TAS2R1: variants seen among roughly 807,000 people sequenced by gnomAD.
TAS2R1 encodes the protein taste receptor type 2 member 1.
For synonymous variants in TAS2R1, 141 were observed against 134.2 expected (o/e 1.05, Z -0.35); for missense variants, 370 against 353.4 (o/e 1.05, Z -0.38).
the TAS2R1 span, among the ~76,000 whole-genome samples, chr5:9,745,277 C>A: frequency 3.9e-5 from 6 of 152,202 alleles, no homozygotes; most frequent in Admixed American, 2.6e-4. Flanking sequence ...TGGTGAAAGA[C>A]AACCGTTCAG....
At chr5:9,823,898 T>C in the TAS2R1 span, among the ~76,000 whole-genome samples, 1,242 of 152,262 alleles carry the variant, frequency 8.2e-3, 20 homozygotes, top group African/African-American at 0.029. Flanking sequence ...ACTTACAGAA[T>C]GTGGGCAACA....
At chr5:9,714,268 A>G (rs1271498154), upstream of TAS2R1, 1 of 152,348 alleles carries the variant, frequency 6.6e-6, no homozygotes, top group Non-Finnish European at 1.5e-5. Context: ...TAATATCGCC[A>G]TCATTTCCAG....
intron 1 of TAS2R1, among the ~76,000 whole-genome samples, chr5:9,691,285 C>T (rs897069346): frequency 2.6e-5 from 4 of 152,202 alleles, no homozygotes; most frequent in African/African-American, 7.2e-5. Flanking sequence ...CCAAGGAATG[C>T]CTGGAGCCCC....
the TAS2R1 span, chr5:9,903,508 T>C: frequency 6.6e-6 from 1 of 151,812 alleles, no homozygotes; most frequent in Non-Finnish European, 1.5e-5. Context: ...CCAAAGTCCA[T>C]TGTATCATTT....
At chr5:9,713,584 A>T (rs1734743851), upstream of TAS2R1, among the ~76,000 whole-genome samples, 1 of 152,178 alleles carries the variant, frequency 6.6e-6, no homozygotes, top group Non-Finnish European at 1.5e-5. Context: ...CATACTTCAC[A>T]TGCGGTGCCT....
chr5:9,887,309 T>C, the TAS2R1 span, among the ~76,000 whole-genome samples: 1 of 152,222 alleles, frequency 6.6e-6, no homozygotes, highest in African/African-American at 2.4e-5. Context: ...ACCATATTAG[T>C]GCAAAGTTGC....
the TAS2R1 span, chr5:9,902,599 A>C: frequency 2.0e-5 from 3 of 152,052 alleles, no homozygotes; most frequent in African/African-American, 7.2e-5. Flanking sequence ...CACAGGGCAA[A>C]CTTCTGCCCC....
rs1486840476 is a variant in TAS2R1 at position 9,629,442 on chromosome 5, C to A, written c.591G>T (p.Leu197Phe). 1.2e-6 allele frequency: 2 copies of A among 1,614,070 alleles called. No homozygotes were observed. Among genetic ancestry groups the A allele is most frequent in the South Asian group, 2.2e-5 (2 of 91,078 alleles). The change falls in exon 1 of 1, where the codon TTG (leucine) becomes TTT (phenylalanine). Residue 197 changes from leucine (L) to phenylalanine (F), a missense_variant. Coordinates refer to ENST00000382492, the MANE Select transcript of TAS2R1 (RefSeq NM_019599.3). ...LLIFLFAVLL[L>F]IFSLGRHTRQ... ...GGGTGTGCCTCCCCAGAGAGAAAAT[C>A]AAGAGCAAAACAGCAAAAAGGAAGA...
chr5:9,738,537 G>A, the TAS2R1 span, among the ~76,000 whole-genome samples: 2 of 152,068 alleles, frequency 1.3e-5, no homozygotes, highest in Non-Finnish European at 2.9e-5. Context: ...ATAGGGGTAC[G>A]GTTTCTGTCA....
chr5:9,683,266 T>C (rs184902265), intron 1 of TAS2R1, among the ~76,000 whole-genome samples: 9 of 152,286 alleles, frequency 5.9e-5, no homozygotes, highest in African/African-American at 1.7e-4. Flanking sequence ...TGCCATATTC[T>C]ATAAGTTCCC....
chr5:9,872,078 A>G, the TAS2R1 span, among the ~76,000 whole-genome samples: 2 of 152,236 alleles, frequency 1.3e-5, no homozygotes, highest in African/African-American at 2.4e-5. Context: ...TTATCTCTAG[A>G]TCAAAAAAGT....
At chr5:9,889,100 C>A in the TAS2R1 span, among the ~76,000 whole-genome samples, 2 of 152,216 alleles carry the variant, frequency 1.3e-5, no homozygotes, top group African/African-American at 4.8e-5. Context: ...TTAAACTATA[C>A]AGACCTATAA....
chr5:9,864,877 G>A, the TAS2R1 span, among the ~76,000 whole-genome samples: 1 of 152,110 alleles, frequency 6.6e-6, no homozygotes, highest in Non-Finnish European at 1.5e-5. Context: ...GGGAGACAGA[G>A]GCCACAAACT....
At chr5:9,823,124 A>G in the TAS2R1 span, among the ~76,000 whole-genome samples, 1 of 152,170 alleles carries the variant, frequency 6.6e-6, no homozygotes, top group Non-Finnish European at 1.5e-5. Context: ...AGAATAAAAA[A>G]GACTTATATA....
At chr5:9,784,207 AG>A in the TAS2R1 span, among the ~76,000 whole-genome samples, 1 of 152,216 alleles carries the variant, frequency 6.6e-6, no homozygotes, top group South Asian at 2.1e-4. Flanking sequence ...CCAGGCTAGC[AG>A]GAGTCTTTCT....
At chr5:9,825,651 A>C in the TAS2R1 span, among the ~76,000 whole-genome samples, 3 of 152,220 alleles carry the variant, frequency 2.0e-5, no homozygotes, top group African/African-American at 7.2e-5. Context: ...ATTAGAGTAC[A>C]TGGAATTGCT....
At chr5:9,711,525 G>T (rs575613884) in intron 1 of TAS2R1, among the ~76,000 whole-genome samples, 24 of 152,284 alleles carry the variant, frequency 1.6e-4, no homozygotes, top group African/African-American at 5.5e-4. Flanking sequence ...GTGGAAACGG[G>T]GAGGTGTTCG....
the TAS2R1 span, among the ~76,000 whole-genome samples, chr5:9,744,075 T>G: frequency 6.6e-6 from 1 of 152,200 alleles, no homozygotes; most frequent in Non-Finnish European, 1.5e-5. Context: ...TGCACCCAAG[T>G]TGCCTATACT....
At chr5:9,772,088 C>T in the TAS2R1 span, among the ~76,000 whole-genome samples, 2 of 151,860 alleles carry the variant, frequency 1.3e-5, no homozygotes, top group Admixed American at 6.5e-5. Context: ...TTAAGATGCA[C>T]CATTAGGTTG....
Sources: allele counts gnomAD v4.1 joint callset (sites outside exome capture counted in the v4.1 genomes callset), GRCh38; gene constraint gnomAD v4.1.1; transcripts MANE v1.5; gene names NCBI Gene and HGNC (gene_info 2026-07-23, HGNC 2026-07-21).